RFX4: variants seen among roughly 807,000 people sequenced by gnomAD.
RFX4 encodes the protein transcription factor RFX4.
RFX4 carries 10 observed loss-of-function variants against 95.0 expected under a neutral mutation model. The observed-to-expected ratio is 0.11, with a 90% CI of 0.06 to 0.18. The LOEUF (loss-of-function observed/expected upper bound fraction) is 0.18. RFX4 is among the 10% of genes least tolerant of loss of function. The pLI, the probability that RFX4 is intolerant of heterozygous loss-of-function variation, is 1.00. For missense variants in RFX4, 640 were observed against 922.0 expected (o/e 0.69, Z 3.96); for synonymous variants, 321 against 340.7 (o/e 0.94, Z 0.64).
At chr12:106,651,595 C>T (rs1300038950) in intron 3 of RFX4, among the ~76,000 whole-genome samples, 1 of 152,186 alleles carries the variant, frequency 6.6e-6, no homozygotes. Flanking sequence ...ATTTCTTGTG[C>T]ATATGTCTCC....
intron 1 of RFX4, among the ~76,000 whole-genome samples, chr12:106,596,175 T>A (rs1245320835): frequency 6.6e-6 from 1 of 152,160 alleles, no homozygotes; most frequent in African/African-American, 2.4e-5. Flanking sequence ...CCAGGTGTTG[T>A]GGGAGGCACC....
chr12:106,740,629 A>T (rs750428725), intron 15 of RFX4, among the ~76,000 whole-genome samples: 1 of 152,180 alleles, frequency 6.6e-6, no homozygotes, highest in Non-Finnish European at 1.5e-5. Flanking sequence ...AAATCCTGGG[A>T]GTACAGAAGT....
intron 4 of RFX4, among the ~76,000 whole-genome samples, chr12:106,671,968 G>A (rs1439156506): frequency 6.6e-6 from 1 of 152,114 alleles, no homozygotes; most frequent in Non-Finnish European, 1.5e-5. Context: ...GGCCTCCAGT[G>A]TTGTTTTCTA....
chr12:106,720,806 C>T lies in RFX4; in HGVS notation c.1281C>T (p.Phe427=). 1 of 1,613,844 alleles carries T rather than the reference C, an allele frequency of 6.2e-7. No individual in the cohort carries two copies. The highest frequency in any genetic ancestry group is 8.5e-7 in the Non-Finnish European group (1 of 1,180,038). Reference sequence around the variant, plus strand: ...CCTTGAAGAAAGTGGCCCAGCAGTTCCTCTTGATGTGGTCCTGTTTCGGCA... The same window carrying T: ...CCTTGAAGAAAGTGGCCCAGCAGTTTCTCTTGATGTGGTCCTGTTTCGGCA... ...QGSLKKVAQQ[F]LLMWSCFGTR... Residue 427 remains phenylalanine, a synonymous_variant, in exon 13 of 18, where the codon TTC becomes TTT. Coordinates refer to ENST00000392842, the MANE Select transcript of RFX4 (RefSeq NM_213594.3). The surrounding 1 kb of genome is among the most constrained non-coding windows in gnomAD (Gnocchi z 4.2).
chr12:106,742,139 G>C (rs2042818064), intron 15 of RFX4, among the ~76,000 whole-genome samples: 1 of 152,160 alleles, frequency 6.6e-6, no homozygotes, highest in Non-Finnish European at 1.5e-5. Context: ...ATTTTCAGAA[G>C]TCTGTAGCAG....
At chr12:106,758,179 T>C (rs939177321) in intron 17 of RFX4, among the ~76,000 whole-genome samples, 10 of 152,120 alleles carry the variant, frequency 6.6e-5, no homozygotes, top group African/African-American at 2.4e-4. Context: ...GTGTGAGAGG[T>C]GAGGCGGGTG....
chr12:106,725,770 G>T (rs1194035141), intron 13 of RFX4, among the ~76,000 whole-genome samples: 1 of 152,034 alleles, frequency 6.6e-6, no homozygotes, highest in Non-Finnish European at 1.5e-5. Context: ...GATGGTAAAT[G>T]AAAGCACAAA....
In RFX4 at chr12:106,753,148, C is replaced by G. The variant is rs542247550; in HGVS notation, c.1935+2355C>G. ...ATTGCTTTCCAGGACAAGTTCAATT[C>G]TTTAGTATGTCTCTTAAGACTGGTT... On this transcript the variant is annotated intron_variant, in intron 17 of 17. Coordinates refer to ENST00000392842, the MANE Select transcript of RFX4 (RefSeq NM_213594.3). 2.6e-5 allele frequency among the ~76,000 whole-genome samples: 4 copies of G among 152,224 alleles called. No homozygotes were observed. The South Asian group carries it at 8.3e-4, about 32-fold the overall frequency.
In RFX4 at chr12:106,720,359, A is replaced by T. The variant is rs2042372538; in HGVS notation, c.1233+305A>T. On this transcript the variant is annotated intron_variant, in intron 12 of 17. Coordinates refer to ENST00000392842, the MANE Select transcript of RFX4 (RefSeq NM_213594.3). The surrounding 1 kb of genome is among the most constrained non-coding windows in gnomAD (Gnocchi z 4.2). ...CCATAGCATTGACTTTGAAGACCAT[A>T]AGCCTTCCTGTCATTTTTCTGTATT... is the stretch of plus-strand genomic sequence containing the variant. 6.6e-6 allele frequency among the ~76,000 whole-genome samples: 1 copy of T among 152,170 alleles called. No individual in the cohort carries two copies. The highest frequency in any genetic ancestry group is 6.5e-5 in the Admixed American group (1 of 15,270).
At chr12:106,748,545 A>G (rs2042937445) in intron 16 of RFX4, among the ~76,000 whole-genome samples, 1 of 152,218 alleles carries the variant, frequency 6.6e-6, no homozygotes, top group South Asian at 2.1e-4. Flanking sequence ...TCCATACAAA[A>G]GTGTTACTTG....
At chr12:106,644,182 C>T (rs1275263465) in intron 3 of RFX4, among the ~76,000 whole-genome samples, 4 of 151,376 alleles carry the variant, frequency 2.6e-5, no homozygotes, top group Non-Finnish European at 4.4e-5. Flanking sequence ...TTAACTGCAG[C>T]TCAGTGTTTA....
intron 2 of RFX4, among the ~76,000 whole-genome samples, chr12:106,632,175 C>T (rs1168573512): frequency 1.3e-5 from 2 of 152,182 alleles, no homozygotes; most frequent in Non-Finnish European, 2.9e-5. Flanking sequence ...AGATGCTCAC[C>T]ACTGCAAACT....
intron 4 of RFX4, 143 bp from the exon 5 acceptor site, chr12:106,681,850 C>T (rs1592932228): frequency 1.3e-6 from 1 of 761,706 alleles, no homozygotes; most frequent in South Asian, 1.6e-5. Context: ...GTAGTCTTCT[C>T]CAGGGTCCTC....
intron 2 of RFX4, 42 bp downstream of exon 2, chr12:106,608,925 GGCCAATGTCCTGATGGGAGGGTAGT>G (rs773692774): frequency 6.3e-7 from 1 of 1,575,208 alleles, no homozygotes; most frequent in South Asian, 1.2e-5. Context: ...TCCCAGACAT[GGCCAATGTCCTGATGGGAGGGTAGT>G]GCCACTAGAT....
At position 106,662,304 on chromosome 12, in the gene RFX4, A is replaced by G. The variant is rs866855622; in HGVS notation, c.315+7953A>G. ...CGTTGTTTTAATTTGCATTTCCCTG[A>G]TAACATGTGATGTGGAGCATCTTTT... On this transcript the variant is annotated intron_variant, in intron 4 of 17. Coordinates refer to ENST00000392842, the MANE Select transcript of RFX4 (RefSeq NM_213594.3). 1.9e-5 allele frequency: 4 copies of G among 208,578 alleles called. No individual in the cohort carries two copies. The South Asian group carries it at 2.7e-4, about 14-fold the overall frequency. 12.9% of individuals were successfully genotyped at this position (208,578 alleles called of 1,614,324 possible). A position where few individuals can be genotyped will look rare whatever the true frequency, so the allele number is the denominator to read the frequency against.
chr12:106,655,462 C>T (rs973287103), intron 4 of RFX4, among the ~76,000 whole-genome samples: 2 of 152,150 alleles, frequency 1.3e-5, no homozygotes, highest in African/African-American at 4.8e-5. Flanking sequence ...TAAGTAGTGG[C>T]AGTGGGGACC....
At chr12:106,738,875 C>T (rs998481140) in intron 15 of RFX4, among the ~76,000 whole-genome samples, 3 of 152,056 alleles carry the variant, frequency 2.0e-5, no homozygotes, top group East Asian at 1.9e-4. Context: ...AAATCTATTA[C>T]GGTAGGCTTC....
At chr12:106,612,163 G>A (rs1210070639) in intron 2 of RFX4, among the ~76,000 whole-genome samples, 1 of 152,156 alleles carries the variant, frequency 6.6e-6, no homozygotes, top group Non-Finnish European at 1.5e-5. Context: ...CTCGGGTTTT[G>A]ATAGGTGTTG....
intron 17 of RFX4, among the ~76,000 whole-genome samples, chr12:106,754,838 A>C (rs149650864): frequency 6.6e-6 from 1 of 151,712 alleles, no homozygotes; most frequent in Non-Finnish European, 1.5e-5. Flanking sequence ...TGCCTCTGAC[A>C]CTCCCCTCAA....
Sources: gnomAD v4.1 joint callset for allele counts (sites outside exome capture counted in the v4.1 genomes callset) on GRCh38, gnomAD v4.1.1 for gene constraint, Gnocchi (gnomAD v3.1) non-coding constraint, MANE v1.5 for transcripts, NCBI Gene and HGNC (gene_info 2026-07-23, HGNC 2026-07-21) for gene names.